Variants in MYO1E observed in about 807,000 individuals in gnomAD.
MYO1E encodes the protein unconventional myosin-Ie.
In MYO1E, 68 loss-of-function variants were observed where a neutral mutation model predicts 151.1. The ratio of observed to expected loss-of-function variants is 0.45; its 90% CI spans 0.37 to 0.55. The LOEUF (loss-of-function observed/expected upper bound fraction) is 0.55, where lower values mean the gene tolerates loss of function less well. MYO1E is among the 20% of genes least tolerant of loss of function. The pLI, the probability that MYO1E is intolerant of heterozygous loss-of-function variation, is 0.00. For missense variants in MYO1E, 1,363 were observed against 1,389.3 expected (o/e 0.98, Z 0.30); for synonymous variants, 601 against 501.7 (o/e 1.20, Z -2.64).
chr15:59,139,218 T>A (rs1467401448), intron 26 of MYO1E, among the ~76,000 whole-genome samples: 1 of 151,106 alleles, frequency 6.6e-6, no homozygotes, highest in Non-Finnish European at 1.5e-5. Flanking sequence ...TTATTACTCC[T>A]TAGACTTCCC....
At position 59,176,678 on chromosome 15, in the gene MYO1E, A is replaced by T. The variant is rs150752083; in HGVS notation, c.2049+1715T>A. ...GGTCTAACTGACTTGCCCAGTCTTG[A>T]ACTCCTGGCCTCAAGTCATCTTCCC... On this transcript the variant is annotated intron_variant, in intron 19 of 27. Coordinates refer to ENST00000288235, the MANE Select transcript of MYO1E (RefSeq NM_004998.4). 4.1e-3 allele frequency among the ~76,000 whole-genome samples: 619 copies of T among 152,216 alleles called. 6 individuals are homozygous for T. The highest frequency in any genetic ancestry group is 0.014 in the African/African-American group (589 of 41,548).
chr15:59,243,791 G>C (rs1190878460), intron 4 of MYO1E, among the ~76,000 whole-genome samples: 1 of 148,176 alleles, frequency 6.7e-6, no homozygotes, highest in Non-Finnish European at 1.5e-5. Flanking sequence ...ATAATAAATA[G>C]CCTACATCAC....
rs1324327786 is a variant in MYO1E at position 59,146,109 on chromosome 15, C to T, written c.3080+7481G>A. 2.1e-4 allele frequency among the ~76,000 whole-genome samples: 32 copies of T among 152,124 alleles called. 1 individual carries two copies. The highest frequency in any genetic ancestry group is 2.1e-3 in the Admixed American group (32 of 15,272). On this transcript the variant is annotated intron_variant, in intron 26 of 27. Coordinates refer to ENST00000288235, the MANE Select transcript of MYO1E (RefSeq NM_004998.4). ...ATCATACCTCACTGCAGTCTTGAAC[C>T]CCTGGACTTGGGCCATCCTCCTGCT...
chr15:59,166,557 T>C (rs1284084803), intron 22 of MYO1E, among the ~76,000 whole-genome samples: 1 of 152,194 alleles, frequency 6.6e-6, no homozygotes, highest in South Asian at 2.1e-4. Context: ...GTTTTGTTTT[T>C]TTTTTTTAAA....
chr15:59,150,859 G>T (rs1372986545), intron 26 of MYO1E, among the ~76,000 whole-genome samples: 1 of 152,122 alleles, frequency 6.6e-6, no homozygotes, highest in Non-Finnish European at 1.5e-5. Context: ...CGGAAAGTGG[G>T]CCAGCAAGCT....
At chr15:59,203,688 T>C (rs1340710762) in intron 15 of MYO1E, among the ~76,000 whole-genome samples, 1 of 152,160 alleles carries the variant, frequency 6.6e-6, no homozygotes, top group Non-Finnish European at 1.5e-5. Context: ...GATACTTTCA[T>C]TAGTGGTGCT....
At position 59,372,830 on chromosome 15, in the gene MYO1E, C is replaced by CT. The variant is rs2080957060; in HGVS notation, c.-331dup. 4.4e-6 allele frequency: 2 copies of CT among 454,376 alleles called. No homozygotes were observed. Among genetic ancestry groups the CT allele is most frequent in the South Asian group, 6.2e-5 (2 of 32,126 alleles). 28.1% of individuals were successfully genotyped at this position (454,376 alleles called of 1,614,324 possible). On this transcript the variant is annotated 5_prime_UTR_variant, in exon 1 of 28. Coordinates refer to ENST00000288235, the MANE Select transcript of MYO1E (RefSeq NM_004998.4). ...CGCCTCGCTCCCCTGCCTCACTCCT[C>CT]TTTCTTCGGCCACTTAATCCGTACT...
intron 9 of MYO1E, among the ~76,000 whole-genome samples, chr15:59,219,143 G>A (rs1373698959): frequency 2.0e-5 from 3 of 152,106 alleles, no homozygotes; most frequent in Non-Finnish European, 4.4e-5. Context: ...TGTGGTCTTT[G>A]GATAGAAAAA....
chr15:59,338,828 G>A (rs1042841143), intron 1 of MYO1E, among the ~76,000 whole-genome samples: 1 of 152,152 alleles, frequency 6.6e-6, no homozygotes, highest in African/African-American at 2.4e-5. Context: ...AATGAAGAGT[G>A]CACCCTATAA....
In MYO1E at chr15:59,158,312, T is replaced by C; in HGVS notation, c.2853A>G (p.Pro951=). Residue 951 remains proline (P), a synonymous_variant, in exon 25 of 28, where the codon CCA becomes CCG. Coordinates refer to ENST00000288235, the MANE Select transcript of MYO1E (RefSeq NM_004998.4). Reference sequence around the variant, plus strand: ...CTGGGGGAGGAGGGGCAGCTCTCACTGGGTAGTTGGCATTTTGAGTCCCAC... The same window carrying C: ...CTGGGGGAGGAGGGGCAGCTCTCACCGGGTAGTTGGCATTTTGAGTCCCAC... ...YSSGTQNANY[P]VRAAPPPPGY... 1 of 1,577,110 alleles carries C rather than the reference T, an allele frequency of 6.3e-7. No individual in the cohort carries two copies.
In MYO1E at chr15:59,276,057, C is replaced by T. The variant is rs138165309; in HGVS notation, c.4-3608G>A. Among the ~76,000 whole-genome samples the T allele has an allele frequency of 2.6e-4, 40 of 152,236 alleles. No individual in the cohort carries two copies. The East Asian group carries it at 6.2e-3, about 24-fold the overall frequency. On this transcript the variant is annotated intron_variant, in intron 1 of 27. Transcript: ENST00000288235. ...AAAGTTGTTCTAAGACACAAACTACCGCCCTAGAATTGTGAGAATATGCAA... is the reference window on the plus strand; with the variant it reads ...AAAGTTGTTCTAAGACACAAACTACTGCCCTAGAATTGTGAGAATATGCAA...
intron 4 of MYO1E, among the ~76,000 whole-genome samples, chr15:59,246,482 C>T (rs1196529108): frequency 6.6e-6 from 1 of 152,218 alleles, no homozygotes; most frequent in Non-Finnish European, 1.5e-5. Flanking sequence ...TCTACCTTCA[C>T]ACTTGCCCAT....
chr15:59,174,106 A>G lies in MYO1E; in HGVS notation c.2164+20T>C. 1.9e-6 allele frequency: 3 copies of G among 1,597,412 alleles called. No individual in the cohort carries two copies. The highest frequency in any genetic ancestry group is 2.6e-6 in the Non-Finnish European group (3 of 1,164,850). ...CTCTTCAGATTTATTAAAATCAATG[A>G]AACAAAATTGCTAAAATACCTTCTT... On this transcript the variant is annotated intron_variant, in intron 20 of 27. Coordinates refer to ENST00000288235, the MANE Select transcript of MYO1E (RefSeq NM_004998.4).
chr15:59,243,099 C>CCTTT (rs10660446), intron 4 of MYO1E, among the ~76,000 whole-genome samples: 2 of 133,456 alleles, frequency 1.5e-5, no homozygotes, highest in Non-Finnish European at 3.1e-5. Context: ...TTAGACCCTG[C>CCTTT]TTTTTTTTTT....
intron 18 of MYO1E, among the ~76,000 whole-genome samples, chr15:59,185,933 A>G (rs2079694858): frequency 6.6e-6 from 1 of 152,210 alleles, no homozygotes. Context: ...CTTCCAGCCT[A>G]AAATGTCAGT....
In MYO1E at chr15:59,302,030, G is replaced by C. The variant is rs28451027; in HGVS notation, c.4-29581C>G. Among the ~76,000 whole-genome samples the C allele has an allele frequency of 9.2e-4, 140 of 152,240 alleles. 1 individual carries two copies. Among genetic ancestry groups the C allele is most frequent in the African/African-American group, 3.3e-3 (135 of 41,528 alleles). On this transcript the variant is annotated intron_variant, in intron 1 of 27. Coordinates refer to ENST00000288235, the MANE Select transcript of MYO1E (RefSeq NM_004998.4). Reference sequence around the variant, plus strand: ...AAACAGAACACCTACGTAAAGGTAGGTTCGTCCCCTGCCTGGCAGAACTAA... The same window carrying C: ...AAACAGAACACCTACGTAAAGGTAGCTTCGTCCCCTGCCTGGCAGAACTAA...
chr15:59,336,498 T>C (rs1384011057), intron 1 of MYO1E, among the ~76,000 whole-genome samples: 1 of 152,224 alleles, frequency 6.6e-6, no homozygotes, highest in Non-Finnish European at 1.5e-5. Flanking sequence ...TAAAATTATG[T>C]GTTTTTAATA....
intron 26 of MYO1E, among the ~76,000 whole-genome samples, chr15:59,143,941 T>C (rs2079426013): frequency 6.6e-6 from 1 of 152,146 alleles, no homozygotes; most frequent in Non-Finnish European, 1.5e-5. Flanking sequence ...GCCCACGGCT[T>C]CTCCAGAACA....
chr15:59,227,395 C>G (rs2079998489), intron 7 of MYO1E, 64 bp downstream of exon 7: 3 of 1,599,050 alleles, frequency 1.9e-6, no homozygotes. Context: ...TGCCTGAAGT[C>G]TGAGAAATAT....
Sources: gnomAD v4.1 joint callset for allele counts (sites outside exome capture counted in the v4.1 genomes callset) on GRCh38, gnomAD v4.1.1 for gene constraint, MANE v1.5 for transcripts, NCBI Gene and HGNC (gene_info 2026-07-23, HGNC 2026-07-21) for gene names.